PARD3: variants seen among roughly 807,000 people sequenced by gnomAD.
PARD3 encodes the protein partitioning defective 3 homolog.
Under a neutral mutation model 155.4 loss-of-function variants are expected in PARD3, and 75 were observed. That is an observed-to-expected ratio of 0.48 (90% CI 0.40 to 0.58). PARD3 has a LOEUF of 0.58. Among genes scored for constraint, PARD3 ranks in the 20% least tolerant of loss-of-function variants. The pLI, the probability that PARD3 is intolerant of heterozygous loss-of-function variation, is 0.00. For synonymous variants in PARD3, 576 were observed against 610.5 expected (o/e 0.94, Z 0.83); for missense variants, 1,642 against 1,721.7 (o/e 0.95, Z 0.82).
intron 22 of PARD3, among the ~76,000 whole-genome samples, chr10:34,186,516 T>C (rs1296627553): frequency 6.6e-6 from 1 of 152,096 alleles, no homozygotes; most frequent in African/African-American, 2.4e-5. Context: ...GAGAGAGCCA[T>C]TCTGGAAGAA....
intron 22 of PARD3, among the ~76,000 whole-genome samples, chr10:34,261,827 A>AAG (rs1955034709): frequency 1.7e-5 from 2 of 120,264 alleles, no homozygotes; most frequent in Non-Finnish European, 4.0e-5. Flanking sequence ...GAAAGAAAGA[A>AAG]ACAAACAAAC....
chr10:34,489,350 C>A (rs111791536), intron 3 of PARD3, among the ~76,000 whole-genome samples: 1,975 of 152,178 alleles, frequency 0.013, 38 homozygotes, highest in African/African-American at 0.043. Context: ...GACTACGCCA[C>A]GAAGAGATCA....
chr10:34,346,649 T>C (rs1206073549), intron 15 of PARD3, among the ~76,000 whole-genome samples: 6 of 152,152 alleles, frequency 3.9e-5, no homozygotes, highest in African/African-American at 1.2e-4. Flanking sequence ...AAGCAAAGAT[T>C]TGAAAGTGAT....
chr10:34,161,800 C>T (rs1017017744), intron 22 of PARD3, among the ~76,000 whole-genome samples: 12 of 152,300 alleles, frequency 7.9e-5, no homozygotes, highest in Middle Eastern at 3.4e-3. Context: ...GACTTCCTGG[C>T]TCTCACAGGC....
intron 20 of PARD3, among the ~76,000 whole-genome samples, chr10:34,308,149 G>T (rs1957510200): frequency 6.6e-6 from 1 of 150,444 alleles, no homozygotes; most frequent in African/African-American, 2.5e-5. Context: ...AGAGCGGTAG[G>T]GACAAGGTCA....
chr10:34,680,954 T>C (rs1024933015), intron 2 of PARD3, among the ~76,000 whole-genome samples: 7 of 150,290 alleles, frequency 4.7e-5, no homozygotes, highest in Admixed American at 4.6e-4. Flanking sequence ...CTGCACAATG[T>C]GCACATGTAC....
chr10:34,346,252 T>C (rs1396417914), intron 15 of PARD3: 1 of 1,154,450 alleles, frequency 8.7e-7, no homozygotes, highest in African/African-American at 1.6e-5. Flanking sequence ...GGCAACAGAC[T>C]AGGAAGAAAA....
intron 20 of PARD3, among the ~76,000 whole-genome samples, chr10:34,304,849 T>A (rs896690952): frequency 6.6e-6 from 1 of 152,206 alleles, no homozygotes; most frequent in Non-Finnish European, 1.5e-5. Flanking sequence ...CTAGCCACAG[T>A]ATTGGCTACA....
At position 34,753,011 on chromosome 10, in the gene PARD3, G is replaced by A. The variant is rs561764949; in HGVS notation, c.121-56592C>T. 2.6e-5 allele frequency among the ~76,000 whole-genome samples: 4 copies of A among 152,266 alleles called. No individual in the cohort carries two copies. The East Asian group carries it at 7.7e-4, about 29-fold the overall frequency. ...TCCATTCATGAGATGTTTTCTAATG[G>A]AAGAAAACAGCCAAGGCAGCAGGCT... On this transcript the variant is annotated intron_variant, in intron 1 of 24. Transcript: ENST00000374788.
At chr10:34,230,287 T>A (rs919197445) in intron 22 of PARD3, among the ~76,000 whole-genome samples, 1 of 152,006 alleles carries the variant, frequency 6.6e-6, no homozygotes, top group African/African-American at 2.4e-5. Flanking sequence ...CAGGGCCTGG[T>A]CCACCCAGCA....
In PARD3 at chr10:34,444,843, A is replaced by G. The variant is rs554509100; in HGVS notation, c.714+5474T>C. On this transcript the variant is annotated intron_variant, in intron 5 of 24. Transcript: ENST00000374788. ...CTTTAAAGCACTCTTTTGCCTTTCC[A>G]TTCCTTCTGCTTATTCCCACTGGAA... Among the ~76,000 whole-genome samples, 159 of 152,334 alleles carry G rather than the reference A, an allele frequency of 1.0e-3. 1 individual carries two copies. Among genetic ancestry groups the G allele is most frequent in the Non-Finnish European group, 1.8e-3 (122 of 68,030 alleles).
chr10:34,318,009 C>T (rs1402740494), intron 19 of PARD3, among the ~76,000 whole-genome samples: 1 of 152,126 alleles, frequency 6.6e-6, no homozygotes, highest in Non-Finnish European at 1.5e-5. Context: ...ATCATGGCGG[C>T]TGAACAGAGG....
At chr10:34,401,713 A>G in intron 6 of PARD3, 113 bp downstream of exon 6, 1 of 771,368 alleles carries the variant, frequency 1.3e-6, no homozygotes, top group Non-Finnish European at 2.4e-6. Flanking sequence ...AATGCACGGC[A>G]TGTTTTTAAC....
chr10:34,755,862 G>A (rs1035047595), intron 1 of PARD3, among the ~76,000 whole-genome samples: 2 of 151,922 alleles, frequency 1.3e-5, no homozygotes, highest in Non-Finnish European at 2.9e-5. Flanking sequence ...TTAATGTTAA[G>A]GCCCAAGACA....
At position 34,210,971 on chromosome 10, in the gene PARD3, G is replaced by C. The variant is rs767281495; in HGVS notation, c.3419+58686C>G. ...ACCTACCAATCATAAGGGAGGACAG[G>C]TGACATGTTTATGGGCTTAGGAGGA... is the stretch of plus-strand genomic sequence containing the variant. On this transcript the variant is annotated intron_variant, in intron 22 of 24. Coordinates refer to ENST00000374788, the MANE Select transcript of PARD3 (RefSeq NM_001184785.2). Among the ~76,000 whole-genome samples, 102 of 152,136 alleles carry C rather than the reference G, an allele frequency of 6.7e-4. 1 individual carries two copies. Among genetic ancestry groups the C allele is most frequent in the Non-Finnish European group, 2.6e-4 (18 of 68,032 alleles).
intron 1 of PARD3, among the ~76,000 whole-genome samples, chr10:34,740,218 G>C (rs1277174502): frequency 2.0e-5 from 3 of 152,172 alleles, no homozygotes; most frequent in African/African-American, 4.8e-5. Flanking sequence ...AGAGCTGGCC[G>C]GCTGGGAGAC....
intron 5 of PARD3, among the ~76,000 whole-genome samples, chr10:34,404,092 G>C (rs1844185325): frequency 6.6e-6 from 1 of 152,146 alleles, no homozygotes; most frequent in Non-Finnish European, 1.5e-5. Context: ...AAAGAGCATG[G>C]AGAATATTAT....
intron 3 of PARD3, among the ~76,000 whole-genome samples, chr10:34,514,474 G>C (rs1249780354): frequency 6.6e-6 from 1 of 152,060 alleles, no homozygotes; most frequent in Non-Finnish European, 1.5e-5. Flanking sequence ...TAATGCGGTG[G>C]CAAAAATCAC....
At chr10:34,194,657 C>T (rs1950863617) in intron 22 of PARD3, among the ~76,000 whole-genome samples, 2 of 147,782 alleles carry the variant, frequency 1.4e-5, no homozygotes, top group Non-Finnish European at 3.0e-5. Context: ...TTTTTTTCCC[C>T]TCCATGTTCA....
Sources: allele counts gnomAD v4.1 joint callset (sites outside exome capture counted in the v4.1 genomes callset), GRCh38; gene constraint gnomAD v4.1.1; transcripts MANE v1.5; gene names NCBI Gene and HGNC (gene_info 2026-07-23, HGNC 2026-07-21).